MYBPC2: variants seen among roughly 807,000 people sequenced by gnomAD.
The protein encoded by MYBPC2 is myosin binding protein C2.
Under a neutral mutation model 137.0 loss-of-function variants are expected in MYBPC2, and 122 were observed. The observed-to-expected ratio is 0.89, with a 90% CI of 0.77 to 1.03. MYBPC2 has a LOEUF of 1.03. Among genes scored for constraint, MYBPC2 ranks in the 50% least tolerant of loss-of-function variants. MYBPC2 has a pLI of 0.00. For missense variants in MYBPC2, 1,500 were observed against 1,534.4 expected, an observed-to-expected ratio of 0.98 and a Z score of 0.37; for synonymous variants, 626 against 612.3, an observed-to-expected ratio of 1.02 and a Z score of -0.33.
intron 14 of MYBPC2, 83 bp downstream of exon 14, chr19:50,451,018 T>C: frequency 7.6e-7 from 1 of 1,312,764 alleles, no homozygotes. Flanking sequence ...CTCTCCAGGA[T>C]TAAGGTTCCC....
intron 18 of MYBPC2, 51 bp downstream of exon 18, chr19:50,454,420 G>GTTTTT (rs36109908): frequency 1.1e-4 from 81 of 738,964 alleles, no homozygotes; most frequent in East Asian, 1.6e-4. Flanking sequence ...TCTGCCTTCT[G>GTTTTT]TTTTTTTTTT....
Position 50,440,914 on chromosome 19 carries a change from A to C in MYBPC2, c.607A>C (p.Lys203Gln). Residue 203 changes from lysine to glutamine, a missense_variant, in exon 8 of 28, where the codon AAA becomes CAA. Coordinates refer to ENST00000357701, the MANE Select transcript of MYBPC2 (RefSeq NM_004533.4). ...VVEEEKKKKK[K>Q]DDDDLGIPPE... ...GGAGGAGGAGAAGAAGAAGAAAAAG[A>C]AAGATGACGATGACCTAGGCATCCC... is the stretch of plus-strand genomic sequence containing the variant. 6.2e-7 allele frequency: 1 copy of C among 1,613,552 alleles called. No individual in the cohort carries two copies. Among genetic ancestry groups the C allele is most frequent in the South Asian group, 1.1e-5 (1 of 91,022 alleles).
chr19:50,436,297 G>A, intron 4 of MYBPC2, 137 bp downstream of exon 4: 1 of 1,359,378 alleles, frequency 7.4e-7, no homozygotes, highest in Non-Finnish European at 9.9e-7. Flanking sequence ...GAGGATGGAG[G>A]TTGTGCGGGG....
chr19:50,455,691 G>A (rs540720599), intron 20 of MYBPC2, 47 bp downstream of exon 20: 2 of 1,603,354 alleles, frequency 1.2e-6, no homozygotes, highest in East Asian at 2.2e-5. Flanking sequence ...TAGCACAGGT[G>A]GGTATCCAGT....
At chr19:50,452,138 AT>A in intron 16 of MYBPC2, 135 bp downstream of exon 16, 1 of 1,030,088 alleles carries the variant, frequency 9.7e-7, no homozygotes, top group Non-Finnish European at 1.4e-6. Context: ...AAGATTAGAG[AT>A]TATGTTTGTC....
At chr19:50,462,601 T>C (rs10408538) in intron 26 of MYBPC2, among the ~76,000 whole-genome samples, 51,491 of 151,414 alleles carry the variant, frequency 0.34, 8,952 homozygotes, top group South Asian at 0.39. Flanking sequence ...TCTTTCTTTT[T>C]TTTTCTTTCT....
chr19:50,460,322 G>A (rs1479584153), intron 24 of MYBPC2, 143 bp downstream of exon 24: 2 of 1,194,908 alleles, frequency 1.7e-6, no homozygotes, highest in African/African-American at 3.1e-5. Flanking sequence ...CCTTTTAGCT[G>A]AGACTTGGCA....
In MYBPC2 at chr19:50,464,189, A is replaced by C. The variant is rs918061338; in HGVS notation, c.3229-157A>C. The C allele has an allele frequency of 1.1e-5, 7 of 636,228 alleles. No homozygotes were observed. In the African/African-American group the frequency reaches 1.3e-4, roughly 12 times the overall value. 39.4% of individuals were successfully genotyped at this position (636,228 alleles called of 1,614,324 possible). A position where few individuals can be genotyped will look rare whatever the true frequency, so the allele number is the denominator to read the frequency against. On this transcript the variant is annotated intron_variant, in intron 26 of 27. Transcript: ENST00000357701. ...GGGATTATCAACCTGCTTTTACATA[A>C]GAGGAGACTGAGGGTCAGGGAGAAG...
At position 50,466,257 on chromosome 19, in the gene MYBPC2, C is replaced by T. The variant is rs866279656; in HGVS notation, c.*52C>T. Reference sequence around the variant, plus strand: ...TTGGTGGTGGAGTCCTGACCCCAATCCCCAACCTCCCAGGACTGTGTTCTT... The same window carrying T: ...TTGGTGGTGGAGTCCTGACCCCAATTCCCAACCTCCCAGGACTGTGTTCTT... On this transcript the variant is annotated 3_prime_UTR_variant, in exon 28 of 28. Coordinates refer to ENST00000357701, the MANE Select transcript of MYBPC2 (RefSeq NM_004533.4). The surrounding 1 kb of genome is among the most constrained non-coding windows in gnomAD (Gnocchi z 4.9). The T allele has an allele frequency of 3.7e-6, 6 of 1,611,788 alleles. No homozygotes were observed. In the South Asian group the frequency reaches 5.5e-5, roughly 15 times the overall value.
chr19:50,462,176 T>C (rs2039978724), intron 26 of MYBPC2, 140 bp downstream of exon 26: 2 of 1,295,668 alleles, frequency 1.5e-6, no homozygotes, highest in African/African-American at 3.0e-5. Context: ...AAAAATTTTT[T>C]TAATTGATTT....
rs556759303 is a variant in MYBPC2, at chr19:50,438,307, G to C, written c.572+589G>C. ...ATGGATAACGGGTGAATGGGATGTT[G>C]GATTTGGTTGGGAGATGCAGGTGCA... is the stretch of plus-strand genomic sequence containing the variant. On this transcript the variant is annotated intron_variant, in intron 7 of 27. Coordinates refer to ENST00000357701, the MANE Select transcript of MYBPC2 (RefSeq NM_004533.4). Among the ~76,000 whole-genome samples the C allele has an allele frequency of 3.9e-5, 6 of 152,294 alleles. No homozygotes were observed. The South Asian group carries it at 1.2e-3, about 32-fold the overall frequency.
intron 24 of MYBPC2, 34 bp downstream of exon 24, chr19:50,460,213 G>A (rs377511222): frequency 8.2e-6 from 13 of 1,576,900 alleles, no homozygotes; most frequent in African/African-American, 2.7e-5. Context: ...GGGAAGAGCC[G>A]GTGAGGTGGG....
At position 50,435,416 on chromosome 19, in the gene MYBPC2, C is replaced by A. The variant is rs973087881; in HGVS notation, c.109+166C>A. 2.0e-5 allele frequency among the ~76,000 whole-genome samples: 3 copies of A among 152,260 alleles called. No homozygotes were observed. Among genetic ancestry groups the A allele is most frequent in the African/African-American group, 7.2e-5 (3 of 41,466 alleles). ...TCCCAGCCCTCCCGGGGCTCCCTGG[C>A]ACCCGCAGGCAGAGCCCAGCCCCTC... On this transcript the variant is annotated intron_variant, in intron 2 of 27. Coordinates refer to ENST00000357701, the MANE Select transcript of MYBPC2 (RefSeq NM_004533.4). This position sits in a 1 kb window ranked among gnomAD's most constrained non-coding sequence, Gnocchi z 4.8.
At chr19:50,448,488 G>A in intron 13 of MYBPC2, 98 bp downstream of exon 13, 1 of 1,457,414 alleles carries the variant, frequency 6.9e-7, no homozygotes, top group Non-Finnish European at 9.2e-7. Flanking sequence ...TTTTTTTTGA[G>A]ATGGAGTTTT....
intron 24 of MYBPC2, 79 bp from the exon 25 acceptor site, chr19:50,461,463 T>G (rs1482200458): frequency 7.0e-7 from 1 of 1,436,208 alleles, no homozygotes; most frequent in East Asian, 2.3e-5. Context: ...TTCTCACCCC[T>G]TCTTTCGTCT....
intron 11 of MYBPC2, 38 bp from the exon 12 acceptor site, chr19:50,445,842 T>C: frequency 6.4e-7 from 1 of 1,563,998 alleles, no homozygotes; most frequent in Non-Finnish European, 8.7e-7. Context: ...AGAGCTGTGC[T>C]GTCTCCTCAC....
At chr19:50,434,798 G>A (rs1388638354) in intron 1 of MYBPC2, among the ~76,000 whole-genome samples, 1 of 152,214 alleles carries the variant, frequency 6.6e-6, no homozygotes, top group South Asian at 2.1e-4. Context: ...GAAGGATGCT[G>A]CGGTCAGCAC....
chr19:50,439,436 T>C (rs1204461736), intron 7 of MYBPC2, among the ~76,000 whole-genome samples: 1 of 151,978 alleles, frequency 6.6e-6, no homozygotes, highest in Non-Finnish European at 1.5e-5. Context: ...CCTCTCTTTG[T>C]TCCTTTCCCT....
chr19:50,451,315 C>T lies in MYBPC2; in HGVS notation c.1609+6C>T, dbSNP rs772422978. 6.2e-7 allele frequency: 1 copy of T among 1,613,194 alleles called. No individual in the cohort carries two copies. The highest frequency in any genetic ancestry group is 8.5e-7 in the Non-Finnish European group (1 of 1,179,822). On this transcript the variant is annotated splice_donor_region_variant and intron_variant, in intron 15 of 27. Transcript: ENST00000357701. ...GGAGTACGTTCCCAAGCAAGGTGAG[C>T]ACCACGGGCTGCGCTGGGAGCGGGT...
Sources: allele counts gnomAD v4.1 joint callset (sites outside exome capture counted in the v4.1 genomes callset), GRCh38; gene constraint gnomAD v4.1.1; non-coding constraint Gnocchi (gnomAD v3.1); transcripts MANE v1.5; gene names NCBI Gene and HGNC (gene_info 2026-07-23, HGNC 2026-07-21).